The following BZW2 variants were observed in gnomAD, a reference collection of about 807,000 sequenced individuals.
BZW2 encodes eIF5-mimic protein 1.
In BZW2, 23 loss-of-function variants were observed where a neutral mutation model predicts 53.2. That is an observed-to-expected ratio of 0.43 (90% CI 0.31 to 0.61). The LOEUF is 0.61. Among genes scored for constraint, BZW2 ranks in the 20% least tolerant of loss-of-function variants. BZW2 has a pLI of 0.09. For missense variants in BZW2, 409 were observed against 503.1 expected (o/e 0.81, Z 1.79); for synonymous variants, 227 against 186.4 (o/e 1.22, Z -1.77).
At chr7:16,674,043 C>T (rs1249043608) in intron 2 of BZW2, among the ~76,000 whole-genome samples, 7 of 152,156 alleles carry the variant, frequency 4.6e-5, no homozygotes. Context: ...GGATTACAGG[C>T]ACCCACCACC....
intron 1 of BZW2, among the ~76,000 whole-genome samples, chr7:16,655,418 G>A (rs1246582062): frequency 6.6e-6 from 1 of 152,188 alleles, no homozygotes; most frequent in Non-Finnish European, 1.5e-5. Flanking sequence ...TTTTTCATAT[G>A]TGGGGTACAG....
chr7:16,697,190 A>T, intron 9 of BZW2, 129 bp downstream of exon 9: 1 of 1,090,938 alleles, frequency 9.2e-7, no homozygotes, highest in South Asian at 1.7e-5. Context: ...CCTGGGCTCA[A>T]GCCACCCTCC....
chr7:16,692,387 T>C (rs1390788655), intron 7 of BZW2, among the ~76,000 whole-genome samples: 4 of 152,186 alleles, frequency 2.6e-5, no homozygotes, highest in Non-Finnish European at 5.9e-5. Context: ...AACAGACCCT[T>C]TCCTTCATGA....
intron 2 of BZW2, among the ~76,000 whole-genome samples, chr7:16,665,793 A>G (rs749507866): frequency 6.6e-6 from 1 of 152,234 alleles, no homozygotes; most frequent in Non-Finnish European, 1.5e-5. Flanking sequence ...TGGTTTTGAC[A>G]TTAGCATTGT....
At chr7:16,676,494 G>A (rs1196638910) in intron 3 of BZW2, among the ~76,000 whole-genome samples, 1 of 150,658 alleles carries the variant, frequency 6.6e-6, no homozygotes, top group Non-Finnish European at 1.5e-5. Context: ...GTTGCAGTGA[G>A]CCGAGATCAC....
intron 1 of BZW2, among the ~76,000 whole-genome samples, chr7:16,660,763 A>G (rs1167551518): frequency 2.0e-5 from 3 of 152,132 alleles, no homozygotes; most frequent in Admixed American, 6.5e-5. Context: ...AGTGGCTACT[A>G]TATTAGATAG....
chr7:16,687,892 A>G (rs186711286), intron 6 of BZW2, among the ~76,000 whole-genome samples: 1 of 152,254 alleles, frequency 6.6e-6, no homozygotes, highest in African/African-American at 2.4e-5. Flanking sequence ...TACGATACAG[A>G]TTACAGCCTA....
chr7:16,693,158 G>C (rs1256227655), intron 7 of BZW2, among the ~76,000 whole-genome samples: 1 of 152,090 alleles, frequency 6.6e-6, no homozygotes, highest in Non-Finnish European at 1.5e-5. Flanking sequence ...TGTCACTTTG[G>C]GAATAGACTC....
intron 1 of BZW2, among the ~76,000 whole-genome samples, chr7:16,656,806 T>C (rs921129561): frequency 1.3e-5 from 2 of 152,206 alleles, no homozygotes; most frequent in Non-Finnish European, 2.9e-5. Flanking sequence ...CATGGACCTA[T>C]GGGTTTGTAT....
intron 7 of BZW2, among the ~76,000 whole-genome samples, chr7:16,691,169 A>G (rs1281863961): frequency 6.6e-6 from 1 of 152,216 alleles, no homozygotes; most frequent in Non-Finnish European, 1.5e-5. Flanking sequence ...TCTAGATTCT[A>G]GTTCATAATA....
intron 1 of BZW2, among the ~76,000 whole-genome samples, chr7:16,656,551 GCGCGCACA>G (rs968316679): frequency 1.3e-4 from 15 of 112,238 alleles, no homozygotes; most frequent in African/African-American, 4.1e-4. Context: ...CCCAGCGCGC[GCGCGCACA>G]CACACACACA....
In BZW2 at chr7:16,706,134, G is replaced by C. The variant is rs752654782; in HGVS notation, c.*46G>C. 1.9e-6 allele frequency: 3 copies of C among 1,594,442 alleles called. No homozygotes were observed. Among genetic ancestry groups the C allele is most frequent in the Non-Finnish European group, 2.6e-6 (3 of 1,166,862 alleles). On this transcript the variant is annotated 3_prime_UTR_variant, in exon 12 of 12. Transcript: ENST00000258761. The stretch of plus-strand genomic sequence containing the variant: ...CCTAGGTTACCACACACCACTTTTT[G>C]ATTGGGAATGCTGAACCATTTGAGA...
intron 1 of BZW2, among the ~76,000 whole-genome samples, chr7:16,654,220 ACT>A (rs2128350219): frequency 6.6e-6 from 1 of 151,828 alleles, no homozygotes; most frequent in East Asian, 1.9e-4. Context: ...ACAGAGTAAG[ACT>A]CTGTCTCAAA....
At chr7:16,670,005 A>T (rs959399434) in intron 2 of BZW2, among the ~76,000 whole-genome samples, 7 of 152,236 alleles carry the variant, frequency 4.6e-5, no homozygotes, top group Non-Finnish European at 5.9e-5. Flanking sequence ...CTTTAGTTCC[A>T]AAGTTGTCTT....
At chr7:16,673,071 G>A (rs779690026) in intron 2 of BZW2, among the ~76,000 whole-genome samples, 25 of 151,782 alleles carry the variant, frequency 1.6e-4, no homozygotes, top group Non-Finnish European at 2.4e-4. Flanking sequence ...TCAGCCTCCC[G>A]AGTAGCTGGG....
At chr7:16,681,642 C>G (rs1293556516) in intron 4 of BZW2, among the ~76,000 whole-genome samples, 1 of 152,178 alleles carries the variant, frequency 6.6e-6, no homozygotes, top group African/African-American at 2.4e-5. Flanking sequence ...ACCAGCCTGG[C>G]CAACATGGTG....
At chr7:16,677,758 A>G (rs535172301) in intron 3 of BZW2, among the ~76,000 whole-genome samples, 4 of 152,250 alleles carry the variant, frequency 2.6e-5, no homozygotes, top group African/African-American at 9.6e-5. Flanking sequence ...TATCTGCTTG[A>G]TAGTTTTGAA....
chr7:16,689,631 G>A (rs1340265755), intron 6 of BZW2, among the ~76,000 whole-genome samples, 166 bp from the exon 7 acceptor site: 1 of 152,192 alleles, frequency 6.6e-6, no homozygotes, highest in Non-Finnish European at 1.5e-5. Flanking sequence ...GTTCTAGTTT[G>A]AGTAATGAGA....
At chr7:16,649,539 A>G (rs1006606670) in intron 1 of BZW2, among the ~76,000 whole-genome samples, 8 of 152,232 alleles carry the variant, frequency 5.3e-5, no homozygotes, top group African/African-American at 1.9e-4. Flanking sequence ...TCCCCATTAA[A>G]GACCCTGATT....
Sources: gnomAD v4.1 joint callset for allele counts (sites outside exome capture counted in the v4.1 genomes callset) on GRCh38, gnomAD v4.1.1 for gene constraint, MANE v1.5 for transcripts, NCBI Gene and HGNC (gene_info 2026-07-23, HGNC 2026-07-21) for gene names.